Variants in GREB1L observed in about 807,000 individuals in gnomAD.
The protein encoded by GREB1L is GREB1 like retinoic acid receptor coactivator.
GREB1L carries 17 observed loss-of-function variants against 200.8 expected under a neutral mutation model. The observed-to-expected ratio is 0.08, with a 90% CI of 0.06 to 0.13. The LOEUF (loss-of-function observed/expected upper bound fraction) is 0.13. GREB1L is among the 10% of genes least tolerant of loss of function. GREB1L has a pLI of 1.00. For synonymous variants in GREB1L, 789 were observed against 893.0 expected (o/e 0.88, Z 2.08); for missense variants, 1,657 against 2,367.7 (o/e 0.70, Z 6.23).
chr18:21,249,879 GACAA>G (rs2037672928), intron 1 of GREB1L, among the ~76,000 whole-genome samples: 1 of 150,728 alleles, frequency 6.6e-6, no homozygotes, highest in Non-Finnish European at 1.5e-5. Context: ...AAAAAAAAGT[GACAA>G]ATATCTCTGT....
intron 1 of GREB1L, among the ~76,000 whole-genome samples, chr18:21,308,830 A>G (rs2038744266): frequency 6.6e-6 from 1 of 152,120 alleles, no homozygotes; most frequent in East Asian, 1.9e-4. Flanking sequence ...CTGTCTTGGG[A>G]GCTTGATAAG....
intron 1 of GREB1L, among the ~76,000 whole-genome samples, chr18:21,335,661 T>C (rs1249038579): frequency 1.3e-5 from 2 of 151,688 alleles, no homozygotes; most frequent in East Asian, 3.9e-4. Flanking sequence ...TGCATTTCTT[T>C]TTTTCTTTTT....
chr18:21,375,318 TC>T (rs1482158429), intron 2 of GREB1L, among the ~76,000 whole-genome samples: 2 of 152,114 alleles, frequency 1.3e-5, no homozygotes, highest in African/African-American at 4.8e-5. Flanking sequence ...CACCTCAGCC[TC>T]CCAAAGTGCT....
intron 17 of GREB1L, among the ~76,000 whole-genome samples, chr18:21,478,034 C>T (rs993539594): frequency 3.3e-5 from 5 of 152,202 alleles, no homozygotes; most frequent in East Asian, 1.9e-4. Flanking sequence ...ATTAATTTCA[C>T]CCTGAGACCT....
intron 7 of GREB1L, among the ~76,000 whole-genome samples, chr18:21,438,146 T>C (rs1166151983): frequency 6.6e-6 from 1 of 152,014 alleles, no homozygotes; most frequent in Non-Finnish European, 1.5e-5. Context: ...TGGTGATACA[T>C]GCCTGTAGCC....
intron 1 of GREB1L, among the ~76,000 whole-genome samples, chr18:21,316,482 A>G (rs73962944): frequency 0.012 from 1,757 of 152,282 alleles, 41 homozygotes; most frequent in African/African-American, 0.04. Flanking sequence ...GACGCATTTC[A>G]AAGGCACCTG....
intron 7 of GREB1L, among the ~76,000 whole-genome samples, chr18:21,434,713 A>G (rs1276986067): frequency 6.6e-6 from 1 of 152,016 alleles, no homozygotes; most frequent in Admixed American, 6.6e-5. Context: ...CTGAATTAAT[A>G]TATTTAAAGT....
Position 21,499,909 on chromosome 18 carries a change from C to T in GREB1L, c.3572C>T (p.Pro1191Leu), listed in dbSNP as rs1374763400. Reference protein sequence around the residue: ...TLKQECDSLGPQMASSTTSKP... With the variant: ...TLKQECDSLGLQMASSTTSKP... ...AAGCAGGAATGTGACTCCCTGGGCCCCCAGATGGCGAGCAGCACCACCTCC... is the reference window on the plus strand; with the variant it reads ...AAGCAGGAATGTGACTCCCTGGGCCTCCAGATGGCGAGCAGCACCACCTCC... Residue 1191 changes from proline to leucine, a missense_variant, in exon 22 of 33, where the codon CCC (proline) becomes CTC (leucine). This residue lies in a region of GREB1L where 512 missense variants were observed against 668.3 expected (regional missense o/e 0.77). Coordinates refer to ENST00000424526, the MANE Select transcript of GREB1L (RefSeq NM_001142966.3). The T allele has an allele frequency of 1.9e-6, 3 of 1,549,758 alleles. No individual in the cohort carries two copies. The highest frequency in any genetic ancestry group is 2.7e-5 in the African/African-American group (2 of 72,982).
chr18:21,473,757 A>G (rs2035578246), intron 16 of GREB1L, among the ~76,000 whole-genome samples: 1 of 152,090 alleles, frequency 6.6e-6, no homozygotes, highest in Non-Finnish European at 1.5e-5. Flanking sequence ...TCATGGTGCT[A>G]ATAAGGACAT....
At chr18:21,328,248 G>A (rs921362539) in intron 1 of GREB1L, among the ~76,000 whole-genome samples, 3 of 152,032 alleles carry the variant, frequency 2.0e-5, no homozygotes, top group Admixed American at 1.3e-4. Context: ...CACACTGGAT[G>A]GAATTGTCTG....
intron 1 of GREB1L, among the ~76,000 whole-genome samples, chr18:21,324,277 T>C (rs1485512327): frequency 6.6e-6 from 1 of 152,220 alleles, no homozygotes; most frequent in African/African-American, 2.4e-5. Flanking sequence ...TGTATTGTCC[T>C]ATTATCACAA....
rs745556947 is a variant in GREB1L at position 21,312,489 on chromosome 18, G to C, written c.-119-53538G>C. Among the ~76,000 whole-genome samples, 3 of 151,074 alleles carry C rather than the reference G, an allele frequency of 2.0e-5. No homozygotes were observed. In the East Asian group the frequency reaches 5.8e-4, roughly 29 times the overall value. On this transcript the variant is annotated intron_variant, in intron 1 of 32. Transcript: ENST00000424526. ...TTTTTCTGCAACCTCACTAGCATCT[G>C]TTATTTTTGCCTTTTAGTAATAACC... is the stretch of plus-strand genomic sequence containing the variant.
intron 1 of GREB1L, among the ~76,000 whole-genome samples, chr18:21,340,286 G>C (rs1039543227): frequency 1.3e-5 from 2 of 152,018 alleles, no homozygotes; most frequent in African/African-American, 2.4e-5. Context: ...CGGGCATGGT[G>C]GTGGGCACCT....
intron 31 of GREB1L, among the ~76,000 whole-genome samples, chr18:21,519,317 G>T (rs144120625): frequency 5.8e-4 from 88 of 152,186 alleles, no homozygotes; most frequent in African/African-American, 2.1e-3. Context: ...AAAATAATTA[G>T]CCAGGTGTGA....
chr18:21,495,191 C>T (rs1055509914), intron 19 of GREB1L, among the ~76,000 whole-genome samples: 9 of 152,008 alleles, frequency 5.9e-5, no homozygotes, highest in African/African-American at 2.2e-4. Flanking sequence ...AAGAGTGGTT[C>T]AATGTTTTCA....
At chr18:21,480,838 G>A (rs1485640589) in intron 17 of GREB1L, among the ~76,000 whole-genome samples, 21 of 152,078 alleles carry the variant, frequency 1.4e-4, no homozygotes, top group Admixed American at 5.2e-4. Context: ...TGGGCAACAC[G>A]GTGAAACCCC....
intron 8 of GREB1L, among the ~76,000 whole-genome samples, chr18:21,439,970 G>A (rs1157644432): frequency 6.6e-6 from 1 of 152,178 alleles, no homozygotes; most frequent in Non-Finnish European, 1.5e-5. Context: ...TACAAAATGG[G>A]TATAACAACA....
Position 21,499,849 on chromosome 18 carries a change from C to T in GREB1L, c.3512C>T (p.Ala1171Val). Residue 1171 changes from alanine (A) to valine (V), a missense_variant, in exon 22 of 33, where the codon GCC (alanine) becomes GTC (valine). Physicochemically the swap from Ala to Val is moderately conservative, Grantham distance 64. Coordinates refer to ENST00000424526, the MANE Select transcript of GREB1L (RefSeq NM_001142966.3). ...TTGGGGCTGGATGAAGGGGTCTCCGCCAGCTCAGCTGGAGCCGGAGCCGGG... is the reference window on the plus strand; with the variant it reads ...TTGGGGCTGGATGAAGGGGTCTCCGTCAGCTCAGCTGGAGCCGGAGCCGGG... ...TSLGLDEGVS[A>V]SSAGAGAGET... 6.4e-7 allele frequency: 1 copy of T among 1,551,434 alleles called. No homozygotes were observed.
At chr18:21,391,883 C>T (rs774952347) in intron 4 of GREB1L, among the ~76,000 whole-genome samples, 10 of 152,176 alleles carry the variant, frequency 6.6e-5, no homozygotes, top group African/African-American at 9.7e-5. Context: ...AATCTCGGCT[C>T]ACTGCAACCT....
Sources: gnomAD v4.1 joint callset for allele counts (sites outside exome capture counted in the v4.1 genomes callset) on GRCh38, gnomAD v4.1.1 for gene constraint, gnomAD v4.1.1 regional missense constraint, MANE v1.5 for transcripts, NCBI Gene and HGNC (gene_info 2026-07-23, HGNC 2026-07-21) for gene names.